The following ATF7IP2 variants were observed in gnomAD, a reference collection of about 807,000 sequenced individuals.
The protein encoded by ATF7IP2 is activating transcription factor 7 interacting protein 2.
ATF7IP2 carries 42 observed loss-of-function variants against 64.2 expected under a neutral mutation model. That is an observed-to-expected ratio of 0.65 (90% CI 0.51 to 0.85). ATF7IP2 has a LOEUF of 0.85. Among genes scored for constraint, ATF7IP2 ranks in the 40% least tolerant of loss-of-function variants. The pLI, the probability that ATF7IP2 is intolerant of heterozygous loss-of-function variation, is 0.00. For missense variants in ATF7IP2, 933 were observed against 784.2 expected, an observed-to-expected ratio of 1.19 and a Z score of -2.27; for synonymous variants, 308 against 272.8, an observed-to-expected ratio of 1.13 and a Z score of -1.27.
chr16:10,403,895 AATAAT>A (rs1190389254), intron 1 of ATF7IP2, among the ~76,000 whole-genome samples: 2 of 152,218 alleles, frequency 1.3e-5, no homozygotes, highest in East Asian at 3.8e-4. Flanking sequence ...GTGAGACAAA[AATAAT>A]ATATAAGACT....
chr16:10,477,840 G>C (rs868176780), intron 12 of ATF7IP2, among the ~76,000 whole-genome samples: 11 of 151,936 alleles, frequency 7.2e-5, no homozygotes, highest in Middle Eastern at 3.4e-3. Flanking sequence ...AAAATCACAA[G>C]CATACTTATA....
intron 1 of ATF7IP2, among the ~76,000 whole-genome samples, chr16:10,389,389 T>G (rs2047274832): frequency 6.6e-6 from 1 of 152,094 alleles, no homozygotes; most frequent in Non-Finnish European, 1.5e-5. Flanking sequence ...GCTTTTCACA[T>G]CCTCCCCTCC....
chr16:10,401,757 CTT>C (rs59240195), intron 1 of ATF7IP2, among the ~76,000 whole-genome samples: 172 of 137,452 alleles, frequency 1.3e-3, no homozygotes, highest in Middle Eastern at 7.6e-3. Flanking sequence ...TGTTGGGAGT[CTT>C]TTTTTTTTTT....
intron 1 of ATF7IP2, among the ~76,000 whole-genome samples, chr16:10,392,703 A>G (rs1335227334): frequency 6.6e-6 from 1 of 152,144 alleles, no homozygotes; most frequent in Non-Finnish European, 1.5e-5. Flanking sequence ...TTAGCCATTT[A>G]TAGGCCAGGC....
chr16:10,437,724 T>A (rs565209739), intron 6 of ATF7IP2, among the ~76,000 whole-genome samples: 2 of 152,188 alleles, frequency 1.3e-5, no homozygotes, highest in African/African-American at 4.8e-5. Flanking sequence ...GGTTTTCAGA[T>A]AAGTAGAGTT....
chr16:10,429,827 A>G (rs969828563), intron 4 of ATF7IP2, among the ~76,000 whole-genome samples: 2 of 123,370 alleles, frequency 1.6e-5, no homozygotes, highest in African/African-American at 6.1e-5. Context: ...TTTTATTTTT[A>G]TTTTGTTTTA....
chr16:10,423,131 C>T (rs2048019773), intron 3 of ATF7IP2, among the ~76,000 whole-genome samples: 1 of 152,160 alleles, frequency 6.6e-6, no homozygotes, highest in Non-Finnish European at 1.5e-5. Flanking sequence ...GTAGTCCCAT[C>T]TACTCAGGAG....
chr16:10,456,592 C>T (rs1334953560), intron 8 of ATF7IP2, among the ~76,000 whole-genome samples: 1 of 152,174 alleles, frequency 6.6e-6, no homozygotes, highest in Non-Finnish European at 1.5e-5. Context: ...CTGGGTCTCC[C>T]ATTTAGCCCC....
intron 2 of ATF7IP2, among the ~76,000 whole-genome samples, chr16:10,417,042 GGAAAT>G (rs1231308361): frequency 5.3e-5 from 8 of 151,940 alleles, no homozygotes; most frequent in Non-Finnish European, 5.9e-5. Context: ...AATTAAAACT[GGAAAT>G]GAAACCTCAT....
intron 12 of ATF7IP2, among the ~76,000 whole-genome samples, chr16:10,475,758 A>T (rs28478411): frequency 0.032 from 4,750 of 150,456 alleles, 127 homozygotes; most frequent in East Asian, 0.12. Flanking sequence ...AGAAAGAACA[A>T]ACAAGACTAA....
Position 10,481,810 on chromosome 16 carries a change from A to G in ATF7IP2, c.1636-26A>G, listed in dbSNP as rs779503760. 163 of 1,537,894 alleles carry G rather than the reference A, an allele frequency of 1.1e-4. 1 individual carries two copies. The East Asian group carries it at 1.5e-3, about 14-fold the overall frequency. On this transcript the variant is annotated intron_variant, in intron 13 of 13. Transcript: ENST00000562102. Reference sequence around the variant, plus strand: ...ACTGCAATTGACCACTTTAAAAGCTATATTTTCTTACAATTGTGTTTTTAG... The same window carrying G: ...ACTGCAATTGACCACTTTAAAAGCTGTATTTTCTTACAATTGTGTTTTTAG...
At chr16:10,449,746 A>G (rs1190999206) in intron 8 of ATF7IP2, 1 of 152,028 alleles carries the variant, frequency 6.6e-6, no homozygotes, top group Non-Finnish European at 1.5e-5. Context: ...ATCTTTTTTA[A>G]GAAAACCAGC....
rs2048268738 is a variant in ATF7IP2 at position 10,431,840 on chromosome 16, T to TG, written c.835+385_835+386insG. Among the ~76,000 whole-genome samples the TG allele has an allele frequency of 2.0e-5, 3 of 149,236 alleles. No individual in the cohort carries two copies. In the South Asian group the frequency reaches 6.5e-4, roughly 32 times the overall value. ...TATTTCTTTTTTTTTTTTTTTTTTT[T>TG]TGAGACGGAGTCTCGCTCTGTCGCT... On this transcript the variant is annotated intron_variant, in intron 5 of 13. Coordinates refer to ENST00000562102, the MANE Select transcript of ATF7IP2 (RefSeq NM_001393719.1).
At chr16:10,409,067 G>C (rs1317194770) in intron 1 of ATF7IP2, among the ~76,000 whole-genome samples, 3 of 152,218 alleles carry the variant, frequency 2.0e-5, no homozygotes, top group Non-Finnish European at 2.9e-5. Context: ...AGGAGAGAAA[G>C]GGTTATTCCT....
intron 6 of ATF7IP2, among the ~76,000 whole-genome samples, chr16:10,436,940 C>T (rs8054260): frequency 0.78 from 118,472 of 151,800 alleles, 46,819 homozygotes; most frequent in African/African-American, 0.91. Context: ...TTTCATATTA[C>T]AGCTACTACG....
chr16:10,459,062 G>C (rs777963587), intron 9 of ATF7IP2, among the ~76,000 whole-genome samples: 8 of 152,088 alleles, frequency 5.3e-5, no homozygotes, highest in Middle Eastern at 3.4e-3. Context: ...GGCCAGGCAC[G>C]GTGGCTCATG....
intron 12 of ATF7IP2, among the ~76,000 whole-genome samples, 158 bp downstream of exon 12, chr16:10,474,147 C>T (rs938312284): frequency 3.9e-5 from 6 of 152,044 alleles, no homozygotes; most frequent in African/African-American, 1.4e-4. Context: ...ATGTAACTGC[C>T]GTCACAGTGA....
intron 1 of ATF7IP2, among the ~76,000 whole-genome samples, chr16:10,409,057 A>C (rs1394407363): frequency 6.6e-6 from 1 of 152,238 alleles, no homozygotes; most frequent in Admixed American, 6.5e-5. Context: ...CACTGAACAA[A>C]GGAGAGAAAG....
At chr16:10,471,671 A>C (rs965837631) in intron 9 of ATF7IP2, among the ~76,000 whole-genome samples, 1 of 152,192 alleles carries the variant, frequency 6.6e-6, no homozygotes, top group African/African-American at 2.4e-5. Flanking sequence ...GAGTAGTAGC[A>C]GTTCTTTTTA....
Sources: allele counts gnomAD v4.1 joint callset (sites outside exome capture counted in the v4.1 genomes callset), GRCh38; gene constraint gnomAD v4.1.1; transcripts MANE v1.5; gene names NCBI Gene and HGNC (gene_info 2026-07-23, HGNC 2026-07-21).